The following MYO19 variants were observed in gnomAD, a reference collection of about 807,000 sequenced individuals.
The protein encoded by MYO19 is unconventional myosin-XIX.
Under a neutral mutation model 129.2 loss-of-function variants are expected in MYO19, and 132 were observed. That is an observed-to-expected ratio of 1.02 (90% CI 0.89 to 1.18). The LOEUF is 1.18. Among genes scored for constraint, MYO19 ranks in the 50% most tolerant of loss-of-function variants. The pLI is 0.00. For missense variants in MYO19, 1,210 were observed against 1,216.7 expected (o/e 0.99, Z 0.08); for synonymous variants, 531 against 477.2 (o/e 1.11, Z -1.47).
At chr17:36,518,088 C>CAAA (rs3050531) in intron 6 of MYO19, among the ~76,000 whole-genome samples, 79 of 108,636 alleles carry the variant, frequency 7.3e-4, no homozygotes, top group East Asian at 1.0e-3. Flanking sequence ...GAAACTATCT[C>CAAA]AAAAAAAAAA....
At chr17:36,513,853 G>A (rs938903117) in intron 9 of MYO19, 128 bp from the exon 10 acceptor site, 8 of 760,516 alleles carry the variant, frequency 1.1e-5, no homozygotes, top group African/African-American at 8.8e-5. Context: ...GGTCCCTTCC[G>A]AGAGCCCACG....
chr17:36,531,485 T>C (rs910807317), intron 3 of MYO19, among the ~76,000 whole-genome samples: 8 of 152,010 alleles, frequency 5.3e-5, no homozygotes, highest in African/African-American at 1.7e-4. Context: ...TAACCAATAT[T>C]TTAGAGAATA....
chr17:36,514,154 T>C (rs1050603430), intron 9 of MYO19, among the ~76,000 whole-genome samples: 4 of 152,098 alleles, frequency 2.6e-5, no homozygotes, highest in African/African-American at 9.7e-5. Context: ...AGGAGAGCCC[T>C]TAAAATGATA....
intron 11 of MYO19, 50 bp from the exon 12 acceptor site, chr17:36,511,505 C>T (rs2072324282): frequency 6.6e-7 from 1 of 1,516,540 alleles, no homozygotes; most frequent in Non-Finnish European, 9.0e-7. Flanking sequence ...GTGACGTGGG[C>T]CTACTCTGGG....
In MYO19 at chr17:36,497,165, A is replaced by G. The variant is rs1314475974; in HGVS notation, c.2758-759T>C. Reference sequence around the variant, plus strand: ...GCCAATATGGCGAAACCCCGTCTCTATTAAAAATACAAAAAAAAAAATATA... The same window carrying G: ...GCCAATATGGCGAAACCCCGTCTCTGTTAAAAATACAAAAAAAAAAATATA... On this transcript the variant is annotated intron_variant, in intron 25 of 25. Transcript: ENST00000614623. Among the ~76,000 whole-genome samples, 14 of 135,448 alleles carry G rather than the reference A, an allele frequency of 1.0e-4. No homozygotes were observed. In the South Asian group the frequency reaches 2.6e-3, roughly 25 times the overall value. The allele number at this position is 135,448 out of a possible 152,430, so 88.9% of individuals were successfully genotyped here.
chr17:36,504,242 TC>T (rs1437757445), intron 19 of MYO19: 32 of 499,736 alleles, frequency 6.4e-5, no homozygotes, highest in Admixed American at 2.3e-4. Flanking sequence ...GTCCCCCTCA[TC>T]CGACGCATGG....
chr17:36,497,390 A>G (rs575279547), intron 25 of MYO19, among the ~76,000 whole-genome samples: 2 of 151,890 alleles, frequency 1.3e-5, no homozygotes, highest in African/African-American at 4.8e-5. Flanking sequence ...CCAGAAAAGG[A>G]AAAAACCAAG....
At chr17:36,507,276 A>C in intron 16 of MYO19, 123 bp downstream of exon 16, 1 of 1,403,166 alleles carries the variant, frequency 7.1e-7, no homozygotes, top group Non-Finnish European at 9.8e-7. Context: ...AAATATAGCA[A>C]TTAGCAGATC....
intron 11 of MYO19, chr17:36,512,849 T>C: frequency 8.2e-7 from 1 of 1,223,842 alleles, no homozygotes. Context: ...GCCCCCCTAG[T>C]GTGACTGAGA....
chr17:36,514,628 G>T, intron 8 of MYO19, 80 bp from the exon 9 acceptor site: 1 of 947,076 alleles, frequency 1.1e-6, no homozygotes, highest in East Asian at 2.4e-5. Flanking sequence ...GTGCCAGATT[G>T]CCTGCTACCT....
At chr17:36,530,354 C>T (rs2073755088) in intron 3 of MYO19, among the ~76,000 whole-genome samples, 1 of 151,828 alleles carries the variant, frequency 6.6e-6, no homozygotes, top group Non-Finnish European at 1.5e-5. Context: ...ATGGTACCTA[C>T]CTCACAGATA....
At chr17:36,523,714 A>G (rs2073289740) in intron 6 of MYO19, among the ~76,000 whole-genome samples, 1 of 152,230 alleles carries the variant, frequency 6.6e-6, no homozygotes, top group East Asian at 1.9e-4. Flanking sequence ...AATTATATAC[A>G]GAATATGTAT....
upstream of MYO19, among the ~76,000 whole-genome samples, chr17:36,539,914 C>T (rs1315292983): frequency 1.3e-5 from 2 of 148,244 alleles, no homozygotes; most frequent in African/African-American, 5.0e-5. Context: ...TGAGCTAGAG[C>T]TGATTAGTGG....
chr17:36,507,645 T>A, intron 15 of MYO19, 133 bp from the exon 16 acceptor site: 1 of 1,269,302 alleles, frequency 7.9e-7, no homozygotes, highest in Non-Finnish European at 1.1e-6. Flanking sequence ...ATCAAAACAT[T>A]ACATTGTACT....
chr17:36,498,466 G>T lies in MYO19; in HGVS notation c.2557C>A (p.Gln853Lys). 6.2e-7 allele frequency: 1 copy of T among 1,614,070 alleles called. No individual in the cohort carries two copies. The highest frequency in any genetic ancestry group is 1.7e-5 in the Admixed American group (1 of 60,036). The change falls in exon 25 of 26, where the codon CAG becomes AAG. Residue 853 changes from glutamine (Q) to lysine (K), a missense_variant. By Grantham distance (53) the Gln-to-Lys change is moderately conservative (BLOSUM62 1). Transcript: ENST00000614623. ...APCSLSTSPLQTRLLEAIIRL... is the reference protein window; with the variant it reads ...APCSLSTSPLKTRLLEAIIRL... ...ATTATTGCCTCCAGGAGCCTGGTCTGCAGCGGCGAGGTGCTCAGGGAACAG... is the reference window on the plus strand; with the variant it reads ...ATTATTGCCTCCAGGAGCCTGGTCTTCAGCGGCGAGGTGCTCAGGGAACAG...
chr17:36,507,765 A>T (rs752805530), intron 15 of MYO19, 38 bp downstream of exon 15: 21 of 1,554,078 alleles, frequency 1.4e-5, no homozygotes, highest in Admixed American at 5.8e-5. Context: ...TTGAGGATCC[A>T]AAAGAAGGAC....
intron 20 of MYO19, among the ~76,000 whole-genome samples, chr17:36,503,683 G>GA (rs1334262443): frequency 3.3e-5 from 5 of 152,254 alleles, no homozygotes; most frequent in Non-Finnish European, 7.3e-5. Flanking sequence ...CCAATTGCTT[G>GA]TCAGCCCTCC....
intron 14 of MYO19, chr17:36,508,659 G>A (rs932214321): frequency 5.2e-6 from 1 of 193,590 alleles, no homozygotes; most frequent in African/African-American, 2.3e-5. Context: ...TCCAACTCCT[G>A]GCCTCCAGTG....
intron 20 of MYO19, 58 bp from the exon 21 acceptor site, chr17:36,503,258 G>T: frequency 1.5e-6 from 2 of 1,361,522 alleles, no homozygotes; most frequent in Non-Finnish European, 2.1e-6. Flanking sequence ...CAGGTTAACG[G>T]TTCAGGGCTC....
Sources: allele counts gnomAD v4.1 joint callset (sites outside exome capture counted in the v4.1 genomes callset), GRCh38; gene constraint gnomAD v4.1.1; transcripts MANE v1.5; gene names NCBI Gene and HGNC (gene_info 2026-07-23, HGNC 2026-07-21).